Variants in TRABD2B observed in about 807,000 individuals in gnomAD.
The protein encoded by TRABD2B is TraB domain containing 2B.
Under a neutral mutation model 40.1 loss-of-function variants are expected in TRABD2B, and 14 were observed. The ratio of observed to expected loss-of-function variants is 0.35; its 90% CI spans 0.23 to 0.55. TRABD2B has a LOEUF of 0.55. TRABD2B is among the 20% of genes least tolerant of loss of function. The pLI, the probability that TRABD2B is intolerant of heterozygous loss-of-function variation, is 0.90. For missense variants in TRABD2B, 541 were observed against 648.6 expected, an observed-to-expected ratio of 0.83 and a Z score of 1.80; for synonymous variants, 263 against 277.0, an observed-to-expected ratio of 0.95 and a Z score of 0.50.
At chr1:47,888,485 C>A (rs1644403401) in intron 2 of TRABD2B, among the ~76,000 whole-genome samples, 1 of 152,158 alleles carries the variant, frequency 6.6e-6, no homozygotes, top group Admixed American at 6.5e-5. Context: ...AGCCTGTGGT[C>A]CTCTGGTCAA....
chr1:47,776,379 T>C (rs1644447913), intron 5 of TRABD2B, among the ~76,000 whole-genome samples: 1 of 152,108 alleles, frequency 6.6e-6, no homozygotes, highest in South Asian at 2.1e-4. Context: ...ACAAGAATAA[T>C]AATACTACCT....
At chr1:47,879,082 G>A (rs1201232483) in intron 2 of TRABD2B, among the ~76,000 whole-genome samples, 1 of 150,526 alleles carries the variant, frequency 6.6e-6, no homozygotes. Context: ...TCTAGCCTGG[G>A]TGATGAAGTA....
intron 2 of TRABD2B, among the ~76,000 whole-genome samples, chr1:47,977,373 G>A (rs1557691399): frequency 6.6e-6 from 1 of 152,138 alleles, no homozygotes; most frequent in Non-Finnish European, 1.5e-5. Context: ...CGCCCAGCCA[G>A]GTTAGTCCAT....
At chr1:47,931,048 G>A (rs960303058) in intron 2 of TRABD2B, among the ~76,000 whole-genome samples, 10 of 152,122 alleles carry the variant, frequency 6.6e-5, no homozygotes, top group African/African-American at 1.9e-4. Context: ...GCTCTGTGAG[G>A]GCTGAGACCT....
At chr1:47,840,385 T>C (rs1467597072) in intron 2 of TRABD2B, among the ~76,000 whole-genome samples, 1 of 152,224 alleles carries the variant, frequency 6.6e-6, no homozygotes, top group Non-Finnish European at 1.5e-5. Context: ...AAGGTCACAC[T>C]AGTCAAGCTG....
At chr1:47,965,592 A>G (rs1645591241) in intron 2 of TRABD2B, among the ~76,000 whole-genome samples, 1 of 151,974 alleles carries the variant, frequency 6.6e-6, no homozygotes, top group Non-Finnish European at 1.5e-5. Context: ...AACCCAGGGG[A>G]CACTGGGGGA....
intron 4 of TRABD2B, among the ~76,000 whole-genome samples, chr1:47,791,154 G>A (rs1025833141): frequency 6.6e-6 from 1 of 152,184 alleles, no homozygotes; most frequent in Non-Finnish European, 1.5e-5. Flanking sequence ...GGGCTGGGTC[G>A]GGGTTGGGTC....
chr1:47,891,842 A>C (rs1644449594), intron 2 of TRABD2B, among the ~76,000 whole-genome samples: 2 of 151,988 alleles, frequency 1.3e-5, no homozygotes, highest in African/African-American at 4.8e-5. Flanking sequence ...AACAAGAAAA[A>C]ACAAAAATGA....
At chr1:47,880,972 G>A (rs12064339) in intron 2 of TRABD2B, among the ~76,000 whole-genome samples, 12,513 of 152,232 alleles carry the variant, frequency 0.082, 587 homozygotes, top group African/African-American at 0.11. Context: ...GGAGAGAGAC[G>A]AGAGCACCCC....
intron 2 of TRABD2B, among the ~76,000 whole-genome samples, chr1:47,955,674 T>A (rs75923681): frequency 2.2e-3 from 335 of 152,192 alleles, no homozygotes; most frequent in African/African-American, 7.9e-3. Context: ...GCCCTAACCC[T>A]CCTTCTAGGC....
chr1:47,877,073 T>C (rs1644235829), intron 2 of TRABD2B, among the ~76,000 whole-genome samples: 1 of 151,706 alleles, frequency 6.6e-6, no homozygotes, highest in African/African-American at 2.4e-5. Context: ...CAAATTGGGG[T>C]TAGGGAATAA....
At chr1:47,785,773 G>A (rs1218081762) in intron 4 of TRABD2B, among the ~76,000 whole-genome samples, 1 of 152,240 alleles carries the variant, frequency 6.6e-6, no homozygotes, top group African/African-American at 2.4e-5. Context: ...CCATGGCCAT[G>A]TCAGTCACTC....
chr1:47,977,656 C>T (rs1290987730), intron 2 of TRABD2B, among the ~76,000 whole-genome samples: 1 of 146,536 alleles, frequency 6.8e-6, no homozygotes, highest in Admixed American at 7.0e-5. Flanking sequence ...GGGACTCTTT[C>T]TTGAGCACAA....
chr1:47,814,721 A>C (rs1047051421), intron 2 of TRABD2B, among the ~76,000 whole-genome samples: 9 of 152,212 alleles, frequency 5.9e-5, no homozygotes, highest in African/African-American at 2.2e-4. Flanking sequence ...GAAGAAAAGA[A>C]GACTGCGTGG....
chr1:47,888,287 CT>C (rs1644397446), intron 2 of TRABD2B, among the ~76,000 whole-genome samples: 1 of 152,218 alleles, frequency 6.6e-6, no homozygotes, highest in Non-Finnish European at 1.5e-5. Context: ...CATCTGGGTT[CT>C]CCCGTGGAAT....
intron 2 of TRABD2B, among the ~76,000 whole-genome samples, chr1:47,990,638 G>A (rs80148399): frequency 6.6e-6 from 1 of 150,896 alleles, no homozygotes; most frequent in African/African-American, 2.4e-5. Flanking sequence ...CCTCCCACAG[G>A]TAGTATCTTC....
chr1:47,766,071 G>A lies in TRABD2B; in HGVS notation c.1385C>T (p.Pro462Leu), dbSNP rs1027677594. ...TASPPPLPLQ[P>L]THSSGTAKPP... The stretch of plus-strand genomic sequence containing the variant: ...CTTGGCGGTCCCCGAGCTGTGGGTG[G>A]GCTGCAGGGGCAGCGGGGGTGGTGA... Residue 462 changes from proline to leucine, a missense_variant, in exon 7 of 7, where the codon CCC (proline) becomes CTC (leucine). Physicochemically the swap from Pro to Leu is moderately conservative, Grantham distance 98. Coordinates refer to ENST00000606738, the MANE Select transcript of TRABD2B (RefSeq NM_001194986.2). 2.3e-5 allele frequency: 16 copies of A among 699,794 alleles called. No individual in the cohort carries two copies. The highest frequency in any genetic ancestry group is 3.9e-5 in the Non-Finnish European group (15 of 383,448). 43.3% of individuals were successfully genotyped at this position (699,794 alleles called of 1,614,324 possible).
At chr1:47,920,873 C>T (rs1267867323) in intron 2 of TRABD2B, among the ~76,000 whole-genome samples, 4 of 152,136 alleles carry the variant, frequency 2.6e-5, no homozygotes, top group Non-Finnish European at 5.9e-5. Flanking sequence ...TTATGAATGG[C>T]CTGGCAAGGG....
At chr1:47,797,899 TGG>T (rs1644769487) in intron 3 of TRABD2B, among the ~76,000 whole-genome samples, 1 of 152,052 alleles carries the variant, frequency 6.6e-6, no homozygotes, top group African/African-American at 2.4e-5. Context: ...GGTGGGGCTG[TGG>T]GGGATGAGTT....
Sources: allele counts gnomAD v4.1 joint callset (sites outside exome capture counted in the v4.1 genomes callset), GRCh38; gene constraint gnomAD v4.1.1; transcripts MANE v1.5; gene names NCBI Gene and HGNC (gene_info 2026-07-23, HGNC 2026-07-21).